The following PDPR variants were observed in gnomAD, a reference collection of about 807,000 sequenced individuals.
PDPR encodes the protein pyruvate dehydrogenase phosphatase regulatory subunit.
In PDPR, 50 loss-of-function variants were observed where a neutral mutation model predicts 102.2. That is an observed-to-expected ratio of 0.49 (90% CI 0.39 to 0.62). The LOEUF is 0.62. PDPR is among the 20% of genes least tolerant of loss of function. The pLI, the probability that PDPR is intolerant of heterozygous loss-of-function variation, is 0.00. For missense variants in PDPR, 625 were observed against 1,098.2 expected (o/e 0.57, Z 6.09); for synonymous variants, 259 against 406.0 (o/e 0.64, Z 4.35).
At chr16:70,141,977 G>A (rs1293015809) in intron 11 of PDPR, among the ~76,000 whole-genome samples, 1 of 152,260 alleles carries the variant, frequency 6.6e-6, no homozygotes, top group African/African-American at 2.4e-5. Flanking sequence ...ACACGTGCCT[G>A]TAATCCCAGC....
At position 70,127,282 on chromosome 16, in the gene PDPR, T is replaced by C. The variant is rs1282585999; in HGVS notation, c.250T>C (p.Phe84Leu). The C allele has an allele frequency of 1.2e-6, 2 of 1,606,410 alleles. No homozygotes were observed. The highest frequency in any genetic ancestry group is 3.4e-5 in the Admixed American group (2 of 58,042). ...QGRLAAGSTR[F>L]CAGILSTARH... ...CAGGCTGGCTGCTGGCTCTACCAGG[T>C]TCTGTGCTGGCATCCTGAGCACTGC... Residue 84 changes from phenylalanine to leucine, a missense_variant, in exon 4 of 19, where the codon TTC becomes CTC. By Grantham distance (22) the Phe-to-Leu change is conservative. Coordinates refer to ENST00000288050, the MANE Select transcript of PDPR (RefSeq NM_017990.5).
chr16:70,126,096 C>A (rs1298010063), intron 3 of PDPR, among the ~76,000 whole-genome samples: 1 of 152,262 alleles, frequency 6.6e-6, no homozygotes, highest in African/African-American at 2.4e-5. Flanking sequence ...TGGGAGCATA[C>A]CTTACACACT....
chr16:70,142,115 A>G (rs1238932390), intron 11 of PDPR, 119 bp from the exon 12 acceptor site: 1 of 1,221,972 alleles, frequency 8.2e-7, no homozygotes, highest in Non-Finnish European at 1.1e-6. Context: ...AAAAAAAAAA[A>G]CTACGTTAGC....
At chr16:70,123,426 C>T (rs1426599423) in intron 3 of PDPR, among the ~76,000 whole-genome samples, 4 of 152,094 alleles carry the variant, frequency 2.6e-5, no homozygotes, top group Non-Finnish European at 4.4e-5. Context: ...TTGGTAGAGA[C>T]GTGATTTCAC....
At chr16:70,152,936 G>A (rs1966840613) in intron 17 of PDPR, among the ~76,000 whole-genome samples, 1 of 152,282 alleles carries the variant, frequency 6.6e-6, no homozygotes, top group Non-Finnish European at 1.5e-5. Context: ...AGTAACGTGT[G>A]AGAGCTGGGC....
intron 2 of PDPR, among the ~76,000 whole-genome samples, chr16:70,118,332 G>C (rs1208674880): frequency 6.6e-6 from 1 of 152,258 alleles, no homozygotes; most frequent in Non-Finnish European, 1.5e-5. Context: ...CAGGTTATCT[G>C]CTTAGAATGA....
At chr16:70,123,836 G>A (rs1049650691) in intron 3 of PDPR, among the ~76,000 whole-genome samples, 6 of 151,862 alleles carry the variant, frequency 4.0e-5, no homozygotes, top group East Asian at 3.9e-4. Context: ...GTGGATCACC[G>A]GAGATCAGGA....
Position 70,136,202 on chromosome 16 carries a change from T to C in PDPR, c.1006T>C (p.Leu336=). ...QEDWDHFEPL[L]SSLLRRMPEL... Reference sequence around the variant, plus strand: ...TTGTTGTCATTGCTCAGAGCCTCTGTTGAGTTCCCTTCTGAGGAGGATGCC... The same window carrying C: ...TTGTTGTCATTGCTCAGAGCCTCTGCTGAGTTCCCTTCTGAGGAGGATGCC... The change falls in exon 10 of 19, where the codon TTG becomes CTG. Residue 336 remains leucine, a synonymous_variant. Coordinates refer to ENST00000288050, the MANE Select transcript of PDPR (RefSeq NM_017990.5). The C allele has an allele frequency of 6.3e-7, 1 of 1,580,480 alleles. No individual in the cohort carries two copies.
chr16:70,144,737 A>G (rs1395701348), intron 15 of PDPR, among the ~76,000 whole-genome samples: 1 of 152,272 alleles, frequency 6.6e-6, no homozygotes, highest in Admixed American at 6.5e-5. Context: ...TTGGAGGATC[A>G]CTAGGTCAGG....
chr16:70,129,505 C>T (rs7198923), intron 6 of PDPR, among the ~76,000 whole-genome samples: 10,562 of 150,378 alleles, frequency 0.07, 391 homozygotes, highest in African/African-American at 0.25. Context: ...CCACTACACC[C>T]GGCTAATTTT....
intron 18 of PDPR, among the ~76,000 whole-genome samples, chr16:70,155,713 C>T (rs1167249406): frequency 6.6e-6 from 1 of 151,836 alleles, no homozygotes; most frequent in African/African-American, 2.4e-5. Flanking sequence ...ATAGTTTATT[C>T]TAGTCTTATT....
intron 9 of PDPR, among the ~76,000 whole-genome samples, chr16:70,133,641 A>T (rs1964789249): frequency 6.6e-6 from 1 of 151,212 alleles, no homozygotes; most frequent in Admixed American, 6.6e-5. Context: ...TGGTCTTGAA[A>T]TCCTGGCCTC....
chr16:70,146,256 A>G, intron 16 of PDPR, 28 bp downstream of exon 16: 3 of 1,613,556 alleles, frequency 1.9e-6, no homozygotes, highest in South Asian at 2.2e-5. Flanking sequence ...TCTGTTTCTT[A>G]AATGGGCAGA....
In PDPR at chr16:70,157,120, T is replaced by C. The variant is rs1455013482; in HGVS notation, c.*241T>C. ...CTCTTCTTCCCTTCCCACCCCTCAC[T>C]CAGCTTCTCGTGGTGGCAGGAGGTA... On this transcript the variant is annotated 3_prime_UTR_variant, in exon 19 of 19. Coordinates refer to ENST00000288050, the MANE Select transcript of PDPR (RefSeq NM_017990.5). The C allele has an allele frequency of 2.8e-6, 2 of 703,118 alleles. No homozygotes were observed. Among genetic ancestry groups the C allele is most frequent in the Admixed American group, 4.1e-5 (2 of 48,662 alleles). 43.6% of individuals were successfully genotyped at this position (703,118 alleles called of 1,614,324 possible).
intron 11 of PDPR, among the ~76,000 whole-genome samples, chr16:70,139,935 G>T (rs201437484): frequency 0.057 from 7,502 of 131,702 alleles, 1 homozygote; most frequent in South Asian, 0.072. Flanking sequence ...ATGCCTGAGT[G>T]CTCACTTTTG....
intron 15 of PDPR, among the ~76,000 whole-genome samples, chr16:70,145,214 T>C (rs2152109699): frequency 6.6e-6 from 1 of 152,316 alleles, no homozygotes; most frequent in African/African-American, 2.4e-5. Context: ...GATCATGCCA[T>C]TGCACCTCCA....
At chr16:70,148,796 C>A (rs1304216938) in intron 17 of PDPR, among the ~76,000 whole-genome samples, 1 of 152,236 alleles carries the variant, frequency 6.6e-6, no homozygotes, top group African/African-American at 2.4e-5. Context: ...AAGTATTTGG[C>A]GCCGTCTGAT....
chr16:70,140,940 A>G (rs1170865820), intron 11 of PDPR, among the ~76,000 whole-genome samples: 2 of 152,194 alleles, frequency 1.3e-5, no homozygotes, highest in Admixed American at 6.6e-5. Flanking sequence ...CTGTCTCCCA[A>G]CCTCCCCAAG....
In PDPR at chr16:70,156,937, T is replaced by C; in HGVS notation, c.*58T>C. The C allele has an allele frequency of 1.3e-6, 2 of 1,579,042 alleles. No homozygotes were observed. Among genetic ancestry groups the C allele is most frequent in the Non-Finnish European group, 1.7e-6 (2 of 1,159,724 alleles). ...ATCTTGTCCTAGAGTGGGCGTCACC[T>C]TGGAGCTTCTCTTCCTTCCGCCTCT... On this transcript the variant is annotated 3_prime_UTR_variant, in exon 19 of 19. Transcript: ENST00000288050.
Sources: gnomAD v4.1 joint callset for allele counts (sites outside exome capture counted in the v4.1 genomes callset) on GRCh38, gnomAD v4.1.1 for gene constraint, MANE v1.5 for transcripts, NCBI Gene and HGNC (gene_info 2026-07-23, HGNC 2026-07-21) for gene names.